Variants in CDK13 observed in about 807,000 individuals in gnomAD.
CDK13 encodes cyclin-dependent kinase 13.
CDK13 carries 40 observed loss-of-function variants against 137.6 expected under a neutral mutation model. The ratio of observed to expected loss-of-function variants is 0.29; its 90% CI spans 0.23 to 0.38. The LOEUF (loss-of-function observed/expected upper bound fraction) is 0.38. Ranked by LOEUF, CDK13 falls within the 10% of genes least tolerant of loss-of-function variation. The pLI is 1.00. For synonymous variants in CDK13, 869 were observed against 760.1 expected (o/e 1.14, Z -2.36); for missense variants, 1,704 against 1,951.8 (o/e 0.87, Z 2.39).
At chr7:40,052,919 G>T (rs148008800) in intron 7 of CDK13, among the ~76,000 whole-genome samples, 2 of 152,072 alleles carry the variant, frequency 1.3e-5, no homozygotes, top group African/African-American at 4.8e-5. Context: ...GTAATGAAAA[G>T]GATCTTCTGA....
chr7:40,029,308 G>C (rs1368860561), intron 5 of CDK13, among the ~76,000 whole-genome samples: 2 of 151,904 alleles, frequency 1.3e-5, no homozygotes, highest in Non-Finnish European at 2.9e-5. Flanking sequence ...GACGCCTGTA[G>C]CCCCAGCTAC....
intron 5 of CDK13, among the ~76,000 whole-genome samples, chr7:40,031,822 ATTATTG>A (rs1217106748): frequency 2.6e-5 from 3 of 113,576 alleles, no homozygotes; most frequent in African/African-American, 6.9e-5. Context: ...ATTTATTATT[ATTATTG>A]TTATTATTAT....
intron 5 of CDK13, among the ~76,000 whole-genome samples, chr7:40,038,526 T>C (rs1194756041): frequency 1.3e-5 from 2 of 152,198 alleles, no homozygotes; most frequent in East Asian, 3.8e-4. Flanking sequence ...ATACTGAATG[T>C]GATTTAGCTA....
chr7:39,973,375 A>G (rs533060505), intron 1 of CDK13, among the ~76,000 whole-genome samples: 79 of 152,264 alleles, frequency 5.2e-4, no homozygotes, highest in African/African-American at 1.8e-3. Flanking sequence ...AGCTCAAGCA[A>G]TCCTCCCACC....
intron 1 of CDK13, among the ~76,000 whole-genome samples, chr7:39,965,065 AGGTGT>A (rs1361031442): frequency 1.3e-5 from 2 of 152,282 alleles, no homozygotes; most frequent in South Asian, 2.1e-4. Context: ...ATTTTGGAAT[AGGTGT>A]GGTGTGGTGC....
chr7:40,023,123 T>C (rs1288108684), intron 5 of CDK13, among the ~76,000 whole-genome samples: 2 of 151,550 alleles, frequency 1.3e-5, no homozygotes, highest in East Asian at 1.9e-4. Flanking sequence ...GACAGAGTCT[T>C]ACTCTGTTGA....
intron 5 of CDK13, among the ~76,000 whole-genome samples, chr7:40,042,518 A>T (rs189548549): frequency 9.2e-6 from 1 of 109,206 alleles, no homozygotes; most frequent in East Asian, 2.6e-4. Flanking sequence ...TCACTCTATC[A>T]CCCGGGCTGG....
intron 1 of CDK13, chr7:39,986,074 A>G (rs1784333059): frequency 6.6e-6 from 1 of 152,224 alleles, no homozygotes; most frequent in Admixed American, 6.5e-5. Context: ...GCAGAAAGGT[A>G]TTGGGAGATA....
Position 39,951,407 on chromosome 7 carries a change from G to T in CDK13, c.766G>T (p.Gly256Cys). Residue 256 changes from glycine (G) to cysteine (C), a missense_variant, in exon 1 of 14, where the codon GGC becomes TGC. This residue lies in a region of CDK13 where 1,051 missense variants were observed against 931.0 expected (regional missense o/e 1.13). Transcript: ENST00000181839. ...GAGCGGCAGCAGCAGCAGCAGCGGC[G>T]GCCGCCGGAAAAGCGCTTCGGCCAC... Reference protein sequence around the residue: ...AKSGSSSSSGGRRKSASATSS... With the variant: ...AKSGSSSSSGCRRKSASATSS... 6.6e-7 allele frequency: 1 copy of T among 1,521,026 alleles called. No individual in the cohort carries two copies. Among genetic ancestry groups the T allele is most frequent in the East Asian group, 2.7e-5 (1 of 37,436 alleles). 94.2% of individuals were successfully genotyped at this position (1,521,026 alleles called of 1,614,324 possible). A position where few individuals can be genotyped will look rare whatever the true frequency, so the allele number is the denominator to read the frequency against.
At chr7:40,066,254 C>G in intron 9 of CDK13, among the ~76,000 whole-genome samples, 1 of 152,294 alleles carries the variant, frequency 6.6e-6, no homozygotes, top group Non-Finnish European at 1.5e-5. Flanking sequence ...TATTACACAT[C>G]TTTTAGAAAC....
At chr7:39,993,685 T>C (rs1212925747) in intron 2 of CDK13, among the ~76,000 whole-genome samples, 1 of 152,146 alleles carries the variant, frequency 6.6e-6, no homozygotes, top group Non-Finnish European at 1.5e-5. Context: ...AATATTCTTA[T>C]TACAGGAATG....
At chr7:40,064,900 T>C (rs1786244605) in intron 9 of CDK13, among the ~76,000 whole-genome samples, 1 of 144,120 alleles carries the variant, frequency 6.9e-6, no homozygotes, top group Non-Finnish European at 1.5e-5. Context: ...CAAACAATCC[T>C]CCTGCCTCAG....
chr7:40,077,056 T>C (rs769826205), intron 9 of CDK13, among the ~76,000 whole-genome samples: 1 of 152,184 alleles, frequency 6.6e-6, no homozygotes, highest in Non-Finnish European at 1.5e-5. Context: ...CAAATTACCA[T>C]AACAAGGATT....
chr7:40,082,399 C>T (rs1483937324), intron 11 of CDK13, among the ~76,000 whole-genome samples: 5 of 134,630 alleles, frequency 3.7e-5, no homozygotes, highest in African/African-American at 1.1e-4. Context: ...AGGCAGAGAA[C>T]TGCTTGAACC....
chr7:40,048,663 A>C (rs1253683904), intron 7 of CDK13: 1 of 147,296 alleles, frequency 6.8e-6, no homozygotes, highest in Non-Finnish European at 1.5e-5. Flanking sequence ...TAATATAATG[A>C]AACATCAGTT....
intron 1 of CDK13, among the ~76,000 whole-genome samples, chr7:39,968,384 T>C (rs1479737840): frequency 6.6e-6 from 1 of 152,208 alleles, no homozygotes; most frequent in African/African-American, 2.4e-5. Flanking sequence ...TTATTCTCCA[T>C]GTGGATATCC....
Position 39,951,616 on chromosome 7 carries a change from C to G in CDK13, c.975C>G (p.Ser325Arg). Residue 325 changes from serine (S) to arginine (R), a missense_variant, in exon 1 of 14, where the codon AGC becomes AGG. By Grantham distance (110) the Ser-to-Arg change is moderately radical. Around this residue, in one of 5 missense-constraint regions of CDK13, gnomAD observed 1,051 missense variants for 931.0 expected, o/e 1.13. Coordinates refer to ENST00000181839, the MANE Select transcript of CDK13 (RefSeq NM_003718.5). Reference protein sequence around the residue: ...SLSPLGGRDDSPVSHRASQSL... With the variant: ...SLSPLGGRDDRPVSHRASQSL... ...GCCCACTGGGAGGCCGGGACGACAG[C>G]CCGGTGTCCCACAGGGCCTCTCAGA... The G allele has an allele frequency of 6.7e-7, 1 of 1,483,294 alleles. No individual in the cohort carries two copies. Among genetic ancestry groups the G allele is most frequent in the Non-Finnish European group, 8.9e-7 (1 of 1,120,528 alleles). 91.9% of individuals were successfully genotyped at this position (1,483,294 alleles called of 1,614,324 possible). A position where few individuals can be genotyped will look rare whatever the true frequency, so the allele number is the denominator to read the frequency against.
intron 5 of CDK13, among the ~76,000 whole-genome samples, chr7:40,034,600 A>T (rs926756640): frequency 6.6e-6 from 1 of 152,206 alleles, no homozygotes; most frequent in African/African-American, 2.4e-5. Flanking sequence ...CATTATAAAT[A>T]GTACTGCTAA....
intron 1 of CDK13, among the ~76,000 whole-genome samples, chr7:39,978,742 A>C (rs546645923): frequency 4.6e-5 from 7 of 152,352 alleles, no homozygotes; most frequent in South Asian, 4.1e-4. Flanking sequence ...TCTGAGACAC[A>C]GCATTTCTGA....
Sources: allele counts gnomAD v4.1 joint callset (sites outside exome capture counted in the v4.1 genomes callset), GRCh38; gene constraint gnomAD v4.1.1; regional missense constraint gnomAD v4.1.1; transcripts MANE v1.5; gene names NCBI Gene and HGNC (gene_info 2026-07-23, HGNC 2026-07-21).